The following F2 variants were observed in gnomAD, a reference collection of about 807,000 sequenced individuals.
F2 encodes the protein prothrombin.
F2 carries 34 observed loss-of-function variants against 81.9 expected under a neutral mutation model. The observed-to-expected ratio is 0.42, with a 90% confidence interval of 0.32 to 0.55. The LOEUF is 0.55. Ranked by LOEUF, F2 falls within the 20% of genes least tolerant of loss-of-function variation. F2 has a pLI of 0.18. For synonymous variants in F2, 296 were observed against 326.4 expected, an observed-to-expected ratio of 0.91 and a Z score of 1.01; for missense variants, 630 against 833.4, an observed-to-expected ratio of 0.76 and a Z score of 3.00.
chr11:46,723,389 T>C lies in F2; in HGVS notation c.430T>C (p.Ser144Pro). 1 of 1,613,774 alleles carries C rather than the reference T, an allele frequency of 6.2e-7. No homozygotes were observed. The highest frequency in any genetic ancestry group is 8.5e-7 in the Non-Finnish European group (1 of 1,179,910). ...GGCAATTTCCTGTTCCAGAATCAAC[T>C]CCACTACCCATCCTGGGGCCGACCT... ...SRYPHKPEIN[S>P]TTHPGADLQE... The change falls in exon 6 of 14, where the codon TCC becomes CCC. Residue 144 changes from serine to proline, a missense_variant. Coordinates refer to ENST00000311907, the MANE Select transcript of F2 (RefSeq NM_000506.5). The surrounding 1 kb of genome is among the most constrained non-coding windows in gnomAD (Gnocchi z 5.6).
chr11:46,733,208 A>G (rs1340092618), intron 12 of F2, among the ~76,000 whole-genome samples: 1 of 152,148 alleles, frequency 6.6e-6, no homozygotes, highest in Non-Finnish European at 1.5e-5. Flanking sequence ...TTTGAACAAT[A>G]CTAGAATATA....
intron 12 of F2, among the ~76,000 whole-genome samples, chr11:46,731,261 T>C (rs924104973): frequency 6.7e-6 from 1 of 150,100 alleles, no homozygotes; most frequent in Non-Finnish European, 1.5e-5. Flanking sequence ...AATCTTGCTC[T>C]GTTGCCCAGG....
chr11:46,722,180 C>G (rs1226944552), intron 4 of F2, among the ~76,000 whole-genome samples: 1 of 152,138 alleles, frequency 6.6e-6, no homozygotes, highest in Non-Finnish European at 1.5e-5. Flanking sequence ...AGACATTTTA[C>G]AAAGTTCCTG....
At position 46,739,355 on chromosome 11, in the gene F2, G is replaced by C. The variant is rs2064963914; in HGVS notation, c.1816G>C (p.Val606Leu). The C allele has an allele frequency of 6.2e-7, 1 of 1,614,170 alleles. No individual in the cohort carries two copies. Among genetic ancestry groups the C allele is most frequent in the Non-Finnish European group, 8.5e-7 (1 of 1,180,024 alleles). Residue 606 changes from valine (V) to leucine (L), a missense_variant, in exon 14 of 14, where the codon GTG becomes CTG. Physicochemically the swap from Val to Leu is conservative, Grantham distance 32. Coordinates refer to ENST00000311907, the MANE Select transcript of F2 (RefSeq NM_000506.5). ...RDGKYGFYTH[V>L]FRLKKWIQKV... ...TGGGAAATATGGCTTCTACACACATGTGTTCCGCCTGAAGAAGTGGATACA... is the reference window on the plus strand; with the variant it reads ...TGGGAAATATGGCTTCTACACACATCTGTTCCGCCTGAAGAAGTGGATACA...
intron 12 of F2, among the ~76,000 whole-genome samples, chr11:46,733,782 CTTTTTTT>C (rs34296052): frequency 2.3e-4 from 21 of 89,740 alleles, no homozygotes; most frequent in African/African-American, 3.0e-4. Flanking sequence ...GATTAAGGAC[CTTTTTTT>C]TTTTTTTTTT....
Position 46,719,763 on chromosome 11 carries a change from C to G in F2, c.141C>G (p.Phe47Leu). 1 of 1,598,460 alleles carries G rather than the reference C, an allele frequency of 6.3e-7. No homozygotes were observed. The highest frequency in any genetic ancestry group is 8.5e-7 in the Non-Finnish European group (1 of 1,173,668). ...LLQRVRRANT[F>L]LEEVRKGNLE... is the part of the protein sequence containing the mutation. ...AGCGGGTCCGGCGAGCCAACACCTT[C>G]TTGGAGGAGGTGCGCAAGGGCAACC... The change falls in exon 2 of 14, where the codon TTC becomes TTG. Residue 47 changes from phenylalanine (F) to leucine (L), a missense_variant. Phe to Leu is a conservative substitution (Grantham distance 22, BLOSUM62 0). Transcript: ENST00000311907. The surrounding 1 kb of genome is among the most constrained non-coding windows in gnomAD (Gnocchi z 4.7).
chr11:46,722,375 A>G (rs780405156), intron 4 of F2, among the ~76,000 whole-genome samples: 10 of 152,028 alleles, frequency 6.6e-5, no homozygotes, highest in Non-Finnish European at 1.2e-4. Flanking sequence ...CGCCCAGGCC[A>G]GGGGTTTGAG....
intron 12 of F2, among the ~76,000 whole-genome samples, chr11:46,733,838 G>C (rs61884307): frequency 0.065 from 9,067 of 139,908 alleles, 386 homozygotes; most frequent in Middle Eastern, 0.098. Flanking sequence ...ACCTAGGCTG[G>C]AGTGCAATGG....
Position 46,728,942 on chromosome 11 carries a change from G to C in F2, c.1472+105G>C, listed in dbSNP as rs1002372744. On this transcript the variant is annotated intron_variant, in intron 11 of 13. Transcript: ENST00000311907. This position sits in a 1 kb window ranked among gnomAD's most constrained non-coding sequence, Gnocchi z 5.1. ...AGCCCCTTTCCCTTTTCCAGGCCTC[G>C]GTTTCTTGGAGTGAACCCAAAAGTT... 2 of 1,287,086 alleles carry C rather than the reference G, an allele frequency of 1.6e-6. No individual in the cohort carries two copies. The highest frequency in any genetic ancestry group is 2.2e-6 in the Non-Finnish European group (2 of 906,740). The allele number at this position is 1,287,086 out of a possible 1,614,324, so 79.7% of individuals were successfully genotyped here.
intron 12 of F2, among the ~76,000 whole-genome samples, chr11:46,732,618 C>T (rs1013483215): frequency 5.3e-5 from 8 of 151,984 alleles, no homozygotes; most frequent in Non-Finnish European, 1.0e-4. Context: ...AGGCTGGTCT[C>T]GAACTCCTGA....
intron 12 of F2, among the ~76,000 whole-genome samples, chr11:46,733,891 C>T (rs140067493): frequency 0.017 from 2,463 of 142,722 alleles, 45 homozygotes; most frequent in Admixed American, 0.063. Flanking sequence ...TGGGTTCAAG[C>T]GATTCTCCTG....
intron 12 of F2, among the ~76,000 whole-genome samples, chr11:46,733,333 A>T (rs1487088516): frequency 6.6e-6 from 1 of 152,190 alleles, no homozygotes; most frequent in African/African-American, 2.4e-5. Flanking sequence ...CCTCCCGAGT[A>T]GCCAGGGCTA....
chr11:46,719,692 C>A lies in F2; in HGVS notation c.80-10C>A. ...GGCCGCTGTCCCATGACCCCCCCAC[C>A]GCCTTACAGTGTTCCTGGCTCCTCA... On this transcript the variant is annotated splice_polypyrimidine_tract_variant and intron_variant, in intron 1 of 13. Coordinates refer to ENST00000311907, the MANE Select transcript of F2 (RefSeq NM_000506.5). The surrounding 1 kb of genome is among the most constrained non-coding windows in gnomAD (Gnocchi z 4.7). 1 of 1,583,164 alleles carries A rather than the reference C, an allele frequency of 6.3e-7. No homozygotes were observed. Among genetic ancestry groups the A allele is most frequent in the East Asian group, 2.3e-5 (1 of 43,446 alleles).
Position 46,726,920 on chromosome 11 carries a change from G to T in F2, c.1130+83G>T. Reference sequence around the variant, plus strand: ...CCCCACCCTCAGGCCCTGCCTGCAGGCCTGGGCTTTACAGATGACAACAGC... The same window carrying T: ...CCCCACCCTCAGGCCCTGCCTGCAGTCCTGGGCTTTACAGATGACAACAGC... On this transcript the variant is annotated intron_variant, in intron 9 of 13. Transcript: ENST00000311907. This position sits in a 1 kb window ranked among gnomAD's most constrained non-coding sequence, Gnocchi z 5.9. 2.5e-6 allele frequency: 4 copies of T among 1,599,596 alleles called. No individual in the cohort carries two copies. Among genetic ancestry groups the T allele is most frequent in the Non-Finnish European group, 2.6e-6 (3 of 1,170,824 alleles).
At position 46,726,787 on chromosome 11, in the gene F2, C is replaced by A. The variant is rs749109527; in HGVS notation, c.1080C>A (p.Ile360=). 2 of 1,614,082 alleles carry A rather than the reference C, an allele frequency of 1.2e-6. No homozygotes were observed. Among genetic ancestry groups the A allele is most frequent in the African/African-American group, 2.7e-5 (2 of 74,920 alleles). ...AAAGAGAGCTCCTGGAATCCTACAT[C>A]GACGGGCGCATTGTGGAGGGCTCGG... ...KTERELLESY[I]DGRIVEGSDA... The change falls in exon 9 of 14, where the codon ATC becomes ATA. Residue 360 remains isoleucine (I), a synonymous_variant. Transcript: ENST00000311907. This position sits in a 1 kb window ranked among gnomAD's most constrained non-coding sequence, Gnocchi z 5.9.
At chr11:46,720,013 G>T in intron 2 of F2, 151 bp downstream of exon 2, 1 of 1,130,928 alleles carries the variant, frequency 8.8e-7, no homozygotes, top group South Asian at 1.4e-5. Flanking sequence ...GCTGGCAAGA[G>T]GAGCGGCCTC....
chr11:46,736,843 T>C (rs1255703289), intron 12 of F2, among the ~76,000 whole-genome samples: 2 of 152,238 alleles, frequency 1.3e-5, no homozygotes, highest in Non-Finnish European at 2.9e-5. Context: ...CCTAGGTCTA[T>C]AAAAAAGCTT....
At position 46,726,587 on chromosome 11, in the gene F2, A is replaced by G. The variant is rs779775953; in HGVS notation, c.964A>G (p.Thr322Ala). 1.2e-6 allele frequency: 2 copies of G among 1,614,112 alleles called. No homozygotes were observed. Among genetic ancestry groups the G allele is most frequent in the Admixed American group, 1.7e-5 (1 of 60,030 alleles). ...GCGTACCGCCACCAGTGAGTACCAGACTTTCTTCAATCCGAGGACCTTTGG... is the reference window on the plus strand; with the variant it reads ...GCGTACCGCCACCAGTGAGTACCAGGCTTTCTTCAATCCGAGGACCTTTGG... ...EGRTATSEYQ[T>A]FFNPRTFGSG... Residue 322 changes from threonine (T) to alanine (A), a missense_variant, in exon 8 of 14, where the codon ACT becomes GCT. Coordinates refer to ENST00000311907, the MANE Select transcript of F2 (RefSeq NM_000506.5). The surrounding 1 kb of genome is among the most constrained non-coding windows in gnomAD (Gnocchi z 5.9).
At position 46,719,993 on chromosome 11, in the gene F2, T is replaced by C; in HGVS notation, c.240+131T>C. On this transcript the variant is annotated intron_variant, in intron 2 of 13. Coordinates refer to ENST00000311907, the MANE Select transcript of F2 (RefSeq NM_000506.5). The surrounding 1 kb of genome is among the most constrained non-coding windows in gnomAD (Gnocchi z 4.7). ...CAGCCTCATTTCAACTCTGAGCCCC[T>C]CCTCACAGGGCTGGCAAGAGGAGCG... The C allele has an allele frequency of 7.8e-7, 1 of 1,288,530 alleles. No individual in the cohort carries two copies. Among genetic ancestry groups the C allele is most frequent in the South Asian group, 1.3e-5 (1 of 76,900 alleles). The allele number at this position is 1,288,530 out of a possible 1,614,324, so 79.8% of individuals were successfully genotyped here.
Sources: gnomAD v4.1 joint callset for allele counts (sites outside exome capture counted in the v4.1 genomes callset) on GRCh38, gnomAD v4.1.1 for gene constraint, Gnocchi (gnomAD v3.1) non-coding constraint, MANE v1.5 for transcripts, NCBI Gene and HGNC (gene_info 2026-07-23, HGNC 2026-07-21) for gene names.